SYTL3: variants seen among roughly 807,000 people sequenced by gnomAD.
The protein encoded by SYTL3 is synaptotagmin-like protein 3.
In SYTL3, 88 loss-of-function variants were observed where a neutral mutation model predicts 82.1. That is an observed-to-expected ratio of 1.07 (90% CI 0.90 to 1.28). The LOEUF is 1.28. Ranked by LOEUF, SYTL3 falls within the 50% of genes most tolerant of loss-of-function variation. SYTL3 has a pLI of 0.00. For synonymous variants in SYTL3, 311 were observed against 289.4 expected (o/e 1.07, Z -0.76); for missense variants, 831 against 757.6 (o/e 1.10, Z -1.14).
At chr6:158,744,508 A>T (rs1787372620) in intron 11 of SYTL3, among the ~76,000 whole-genome samples, 1 of 150,600 alleles carries the variant, frequency 6.6e-6, no homozygotes, top group Non-Finnish European at 1.5e-5. Context: ...TTTAGTAGAG[A>T]TGGGGTTTCA....
chr6:158,725,342 T>TGCGC (rs1202909152), intron 10 of SYTL3, among the ~76,000 whole-genome samples, 161 bp from the exon 11 acceptor site: 1 of 152,094 alleles, frequency 6.6e-6, no homozygotes, highest in Non-Finnish European at 1.5e-5. Flanking sequence ...TGTGTGTGTG[T>TGCGC]GCGCACGTGC....
chr6:158,683,158 C>T (rs1778909046), intron 6 of SYTL3, among the ~76,000 whole-genome samples, 169 bp downstream of exon 6: 1 of 151,732 alleles, frequency 6.6e-6, no homozygotes. Flanking sequence ...CTGCTCATTC[C>T]CTCTGCTCGC....
At chr6:158,668,425 C>T (rs1190507173) in intron 5 of SYTL3, among the ~76,000 whole-genome samples, 1 of 152,180 alleles carries the variant, frequency 6.6e-6, no homozygotes, top group Non-Finnish European at 1.5e-5. Context: ...GACGGGGTTT[C>T]ACCATGTTGG....
intron 16 of SYTL3, among the ~76,000 whole-genome samples, chr6:158,763,027 G>GT (rs1237908334): frequency 6.6e-6 from 1 of 152,208 alleles, no homozygotes; most frequent in East Asian, 1.9e-4. Context: ...GAGATAACGT[G>GT]TATCTGCAGT....
intron 17 of SYTL3, 119 bp from the exon 18 acceptor site, chr6:158,764,376 G>T: frequency 2.9e-6 from 2 of 686,016 alleles, no homozygotes; most frequent in Non-Finnish European, 2.5e-6. Flanking sequence ...ATCAGTGGTT[G>T]GCCTTTTAAT....
chr6:158,647,587 G>A (rs924969510), upstream of SYTL3, among the ~76,000 whole-genome samples: 1 of 152,188 alleles, frequency 6.6e-6, no homozygotes, highest in East Asian at 1.9e-4. Flanking sequence ...ATTATATTCT[G>A]CCCAACTGAT....
At chr6:158,760,564 T>G in intron 14 of SYTL3, 76 bp from the exon 15 acceptor site, 5 of 1,322,480 alleles carry the variant, frequency 3.8e-6, no homozygotes, top group Non-Finnish European at 5.5e-6. Flanking sequence ...TGGACGAAGC[T>G]GAGACAACCA....
At chr6:158,646,673 C>G (rs781398384), upstream of SYTL3, among the ~76,000 whole-genome samples, 3 of 152,206 alleles carry the variant, frequency 2.0e-5, no homozygotes, top group Non-Finnish European at 4.4e-5. Flanking sequence ...GCTGGGCAGG[C>G]TGGTTGCTTT....
chr6:158,728,635 CATTT>C (rs1243428472), intron 11 of SYTL3, among the ~76,000 whole-genome samples: 2 of 152,128 alleles, frequency 1.3e-5, no homozygotes, highest in Non-Finnish European at 2.9e-5. Context: ...TTCGTTCATT[CATTT>C]GTTTATTAAA....
intron 12 of SYTL3, among the ~76,000 whole-genome samples, chr6:158,748,087 TTC>T (rs34435481): frequency 0.056 from 7,435 of 133,858 alleles, 215 homozygotes; most frequent in Non-Finnish European, 0.062. Context: ...TTTTTTTTTT[TTC>T]CCCACACTTA....
intron 6 of SYTL3, among the ~76,000 whole-genome samples, chr6:158,703,945 C>T (rs1287067176): frequency 3.3e-5 from 5 of 151,230 alleles, no homozygotes; most frequent in African/African-American, 1.2e-4. Flanking sequence ...GTTCAGCCTC[C>T]CGAGTAGCTG....
chr6:158,761,824 CTT>C (rs1790015354), intron 15 of SYTL3, among the ~76,000 whole-genome samples: 2 of 152,314 alleles, frequency 1.3e-5, no homozygotes, highest in East Asian at 3.9e-4. Context: ...TTGCGTTCCT[CTT>C]TACTCTTTTC....
chr6:158,674,113 AATAATAATG>A (rs989847610), intron 5 of SYTL3, among the ~76,000 whole-genome samples: 6 of 146,638 alleles, frequency 4.1e-5, no homozygotes, highest in African/African-American at 1.6e-4. Context: ...TAATAATAAT[AATAATAATG>A]ATGATGATGA....
chr6:158,660,769 A>G (rs551581619), intron 2 of SYTL3, among the ~76,000 whole-genome samples: 9 of 152,320 alleles, frequency 5.9e-5, no homozygotes, highest in Non-Finnish European at 8.8e-5. Flanking sequence ...AAAACTCTTC[A>G]CTAAAAACAC....
chr6:158,658,083 G>A (rs12662711), intron 2 of SYTL3, among the ~76,000 whole-genome samples: 43,692 of 151,642 alleles, frequency 0.29, 6,909 homozygotes, highest in East Asian at 0.67. Context: ...TAGTAGAGAC[G>A]GGGTTTCACT....
upstream of SYTL3, among the ~76,000 whole-genome samples, chr6:158,648,885 A>G (rs73797068): frequency 0.041 from 6,185 of 152,264 alleles, 275 homozygotes; most frequent in African/African-American, 0.11. Flanking sequence ...GTGCTGAGAA[A>G]AGCTAAAGAG....
At chr6:158,692,127 G>A (rs1422680734) in intron 6 of SYTL3, among the ~76,000 whole-genome samples, 6 of 147,338 alleles carry the variant, frequency 4.1e-5, no homozygotes, top group South Asian at 2.1e-4. Flanking sequence ...GCGTGGTGGC[G>A]GGCGCCTGTA....
intron 11 of SYTL3, among the ~76,000 whole-genome samples, chr6:158,739,278 C>T (rs1352574538): frequency 6.6e-6 from 1 of 152,140 alleles, no homozygotes; most frequent in African/African-American, 2.4e-5. Flanking sequence ...TTCTGGTGGG[C>T]AGTAAAATGG....
At chr6:158,689,438 G>A (rs868274416) in intron 6 of SYTL3, among the ~76,000 whole-genome samples, 5 of 152,142 alleles carry the variant, frequency 3.3e-5, no homozygotes, top group Admixed American at 6.5e-5. Flanking sequence ...ATGTGAAGGC[G>A]ATTAGTCCTT....
Sources: gnomAD v4.1 joint callset for allele counts (sites outside exome capture counted in the v4.1 genomes callset) on GRCh38, gnomAD v4.1.1 for gene constraint, MANE v1.5 for transcripts, NCBI Gene and HGNC (gene_info 2026-07-23, HGNC 2026-07-21) for gene names.